The following IGFBP7 variants were observed in gnomAD, a reference collection of about 807,000 sequenced individuals.
IGFBP7 encodes insulin-like growth factor-binding protein 7.
IGFBP7 carries 31 observed loss-of-function variants against 29.4 expected under a neutral mutation model. The ratio of observed to expected loss-of-function variants is 1.05; its 90% CI spans 0.79 to 1.42. The LOEUF (loss-of-function observed/expected upper bound fraction) is 1.42, where lower values mean the gene tolerates loss of function less well. IGFBP7 is among the 40% of genes most tolerant of loss of function. The probability of loss-of-function intolerance (pLI) is 0.00; values close to 1 mark genes in which losing one functional copy is unlikely to be tolerated. For synonymous variants in IGFBP7, 172 were observed against 174.9 expected (o/e 0.98, Z 0.13); for missense variants, 393 against 395.5 (o/e 0.99, Z 0.05).
At position 57,033,321 on chromosome 4, in the gene IGFBP7, CAAAAG is replaced by C. The variant is rs1192799564; in HGVS notation, c.586-15_586-11del. The stretch of plus-strand genomic sequence containing the variant: ...AGTGACCCCTTTTTACCTGCAAAAA[CAAAAG>C]GAGAGTAATACTGAGTTTTGTACAC... On this transcript the variant is annotated splice_polypyrimidine_tract_variant and intron_variant, in intron 2 of 4. Coordinates refer to ENST00000295666, the MANE Select transcript of IGFBP7 (RefSeq NM_001553.3). 1.9e-6 allele frequency: 3 copies of C among 1,574,520 alleles called. No individual in the cohort carries two copies. Among genetic ancestry groups the C allele is most frequent in the Admixed American group, 1.7e-5 (1 of 59,978 alleles).
At chr4:57,086,660 T>C (rs1226220461) in intron 1 of IGFBP7, among the ~76,000 whole-genome samples, 23 of 152,178 alleles carry the variant, frequency 1.5e-4, no homozygotes, top group Non-Finnish European at 1.3e-4. Flanking sequence ...TTTTGGTATC[T>C]AGAGGATTTA....
At chr4:57,105,596 C>T (rs1726004075) in intron 1 of IGFBP7, among the ~76,000 whole-genome samples, 1 of 152,190 alleles carries the variant, frequency 6.6e-6, no homozygotes, top group South Asian at 2.1e-4. Flanking sequence ...TGGTTATAAT[C>T]CCTGTCTTAT....
At chr4:57,035,054 C>A (rs1376834576) in intron 2 of IGFBP7, among the ~76,000 whole-genome samples, 1 of 152,108 alleles carries the variant, frequency 6.6e-6, no homozygotes, top group Non-Finnish European at 1.5e-5. Flanking sequence ...ATGACTCTGA[C>A]CTTTATTTAC....
Position 57,070,587 on chromosome 4 carries a change from C to T in IGFBP7, c.476-29654G>A, listed in dbSNP as rs556673567. Among the ~76,000 whole-genome samples, 4 of 152,330 alleles carry T rather than the reference C, an allele frequency of 2.6e-5. No homozygotes were observed. The South Asian group carries it at 6.2e-4, about 24-fold the overall frequency. ...GCAAATCACTCCTCTGCATTATCCT[C>T]TAGTTAAATGAGTTGGATGCCCCAG... is the stretch of plus-strand genomic sequence containing the variant. On this transcript the variant is annotated intron_variant, in intron 1 of 4. Coordinates refer to ENST00000295666, the MANE Select transcript of IGFBP7 (RefSeq NM_001553.3).
In IGFBP7 at chr4:57,033,217, T is replaced by C. The variant is rs1723990659; in HGVS notation, c.680A>G (p.His227Arg). The stretch of plus-strand genomic sequence containing the variant: ...CACCAGCACCCAGCCAGTTACTTCA[T>C]GCTTTTCTGGGCCACCCCGGGTCTG... Reference protein sequence around the residue: ...AIQTRGGPEKHEVTGWVLVSP... With the variant: ...AIQTRGGPEKREVTGWVLVSP... Residue 227 changes from histidine (H) to arginine (R), a missense_variant, in exon 3 of 5, where the codon CAT becomes CGT. Physicochemically the swap from His to Arg is conservative, Grantham distance 29. Coordinates refer to ENST00000295666, the MANE Select transcript of IGFBP7 (RefSeq NM_001553.3). 1.2e-6 allele frequency: 2 copies of C among 1,613,766 alleles called. No homozygotes were observed. The highest frequency in any genetic ancestry group is 1.7e-6 in the Non-Finnish European group (2 of 1,179,624).
chr4:57,086,594 A>G (rs1725502987), intron 1 of IGFBP7, among the ~76,000 whole-genome samples: 1 of 151,986 alleles, frequency 6.6e-6, no homozygotes, highest in Non-Finnish European at 1.5e-5. Context: ...ATATTTTGGC[A>G]TTTGTGGGGA....
rs1360750817 is a variant in IGFBP7, at chr4:57,041,985, C to G, written c.476-1052G>C. Among the ~76,000 whole-genome samples, 3 of 152,250 alleles carry G rather than the reference C, an allele frequency of 2.0e-5. No homozygotes were observed. In the East Asian group the frequency reaches 5.8e-4, roughly 29 times the overall value. ...GTGACCAGGGTCCCCAAGGAGAGGG[C>G]CCTTTCCCAGCGTTCTCAGTGTCCA... is the stretch of plus-strand genomic sequence containing the variant. On this transcript the variant is annotated intron_variant, in intron 1 of 4. Coordinates refer to ENST00000295666, the MANE Select transcript of IGFBP7 (RefSeq NM_001553.3).
At chr4:57,056,761 G>A (rs1479105862) in intron 1 of IGFBP7, among the ~76,000 whole-genome samples, 3 of 152,362 alleles carry the variant, frequency 2.0e-5, no homozygotes, top group Admixed American at 2.0e-4. Flanking sequence ...GCCAATGCAC[G>A]TGGGACATGT....
chr4:57,089,522 C>T lies in IGFBP7; in HGVS notation c.475+20355G>A, dbSNP rs151163654. 9.0e-4 allele frequency among the ~76,000 whole-genome samples: 137 copies of T among 152,324 alleles called. 2 individuals are homozygous for T. Among genetic ancestry groups the T allele is most frequent in the African/African-American group, 3.1e-3 (129 of 41,568 alleles). On this transcript the variant is annotated intron_variant, in intron 1 of 4. Transcript: ENST00000295666. ...CAAAGCTTTCCATTTTTCCCCCCAGCTATGACCTATTTTATCATCTGATTT... is the reference window on the plus strand; with the variant it reads ...CAAAGCTTTCCATTTTTCCCCCCAGTTATGACCTATTTTATCATCTGATTT...
intron 1 of IGFBP7, among the ~76,000 whole-genome samples, chr4:57,081,981 G>A (rs78070329): frequency 6.6e-6 from 1 of 152,224 alleles, no homozygotes; most frequent in East Asian, 1.9e-4. Flanking sequence ...GGCTTACCAG[G>A]TGAAAGGCAC....
At position 57,092,721 on chromosome 4, in the gene IGFBP7, A is replaced by G. The variant is rs191441363; in HGVS notation, c.475+17156T>C. Among the ~76,000 whole-genome samples, 400 of 150,754 alleles carry G rather than the reference A, an allele frequency of 2.7e-3. 1 individual carries two copies. The highest frequency in any genetic ancestry group is 9.0e-3 in the African/African-American group (374 of 41,364). On this transcript the variant is annotated intron_variant, in intron 1 of 4. Coordinates refer to ENST00000295666, the MANE Select transcript of IGFBP7 (RefSeq NM_001553.3). ...ATTTTATTGGTAATTCCAATTTGGG[A>G]TCTATTATAAAGAAATAACTCAGAA...
intron 1 of IGFBP7, among the ~76,000 whole-genome samples, chr4:57,054,373 GC>G (rs1724588431): frequency 6.6e-6 from 1 of 152,168 alleles, no homozygotes; most frequent in Admixed American, 6.5e-5. Context: ...GGTGGCTCAT[GC>G]CCGTAATCCC....
chr4:57,057,138 T>C (rs1724693779), intron 1 of IGFBP7, among the ~76,000 whole-genome samples: 2 of 152,166 alleles, frequency 1.3e-5, no homozygotes, highest in Admixed American at 1.3e-4. Context: ...TCCAAGTAGC[T>C]GGGACTACAG....
At chr4:57,085,416 G>C (rs1317072657) in intron 1 of IGFBP7, among the ~76,000 whole-genome samples, 1 of 151,702 alleles carries the variant, frequency 6.6e-6, no homozygotes, top group Non-Finnish European at 1.5e-5. Context: ...GTCTTTTAAG[G>C]GATTCTCTAT....
At chr4:57,098,543 C>T (rs570442166) in intron 1 of IGFBP7, among the ~76,000 whole-genome samples, 11 of 152,094 alleles carry the variant, frequency 7.2e-5, no homozygotes, top group Admixed American at 1.3e-4. Context: ...TCAACTTTTC[C>T]GTCCTGCTCT....
At position 57,089,000 on chromosome 4, in the gene IGFBP7, C is replaced by G. The variant is rs1725569138; in HGVS notation, c.475+20877G>C. ...CGAGTGGAGATCACACCACTGCATT[C>G]CAGCCTGAGCAACAGAGTGAGACTC... is the stretch of plus-strand genomic sequence containing the variant. On this transcript the variant is annotated intron_variant, in intron 1 of 4. Transcript: ENST00000295666. Among the ~76,000 whole-genome samples, 4 of 145,564 alleles carry G rather than the reference C, an allele frequency of 2.7e-5. No individual in the cohort carries two copies. In the South Asian group the frequency reaches 8.8e-4, roughly 32 times the overall value.
At chr4:57,089,609 T>C (rs1725586549) in intron 1 of IGFBP7, among the ~76,000 whole-genome samples, 1 of 152,224 alleles carries the variant, frequency 6.6e-6, no homozygotes, top group Non-Finnish European at 1.5e-5. Flanking sequence ...CTAGTCACCC[T>C]TTGAATTCAC....
intron 1 of IGFBP7, among the ~76,000 whole-genome samples, chr4:57,085,980 G>A (rs968458185): frequency 1.3e-5 from 2 of 152,118 alleles, no homozygotes; most frequent in Non-Finnish European, 2.9e-5. Flanking sequence ...GTCCTGGAAG[G>A]GAGCTGTATT....
intron 1 of IGFBP7, among the ~76,000 whole-genome samples, chr4:57,067,230 G>A (rs561257395): frequency 2.0e-5 from 3 of 152,098 alleles, no homozygotes; most frequent in East Asian, 3.9e-4. Context: ...ATCATTATAC[G>A]AAAAAGAGCT....
Sources: allele counts gnomAD v4.1 joint callset (sites outside exome capture counted in the v4.1 genomes callset), GRCh38; gene constraint gnomAD v4.1.1; transcripts MANE v1.5; gene names NCBI Gene and HGNC (gene_info 2026-07-23, HGNC 2026-07-21).